Variants in LHPP observed in about 807,000 individuals in gnomAD.
The protein encoded by LHPP is hLHPP.
Under a neutral mutation model 30.3 loss-of-function variants are expected in LHPP, and 24 were observed. The observed-to-expected ratio is 0.79, with a 90% confidence interval of 0.57 to 1.11. The LOEUF is 1.11. Among genes scored for constraint, LHPP ranks in the 50% most tolerant of loss-of-function variants. LHPP has a pLI of 0.00. For synonymous variants in LHPP, 150 were observed against 157.1 expected (o/e 0.95, Z 0.34); for missense variants, 356 against 367.2 (o/e 0.97, Z 0.25).
At chr10:124,464,248 C>T (rs1952494354) in intron 1 of LHPP, among the ~76,000 whole-genome samples, 1 of 152,206 alleles carries the variant, frequency 6.6e-6, no homozygotes, top group Non-Finnish European at 1.5e-5. Flanking sequence ...AGGACTTGGC[C>T]TCCCGGAGTC....
intron 6 of LHPP, among the ~76,000 whole-genome samples, chr10:124,571,118 G>A (rs367613586): frequency 2.0e-5 from 3 of 152,328 alleles, no homozygotes; most frequent in South Asian, 2.1e-4. Context: ...CTGCCGTGAC[G>A]GTGAGGCCTC....
At chr10:124,558,480 G>T in intron 6 of LHPP, among the ~76,000 whole-genome samples, 1 of 152,346 alleles carries the variant, frequency 6.6e-6, no homozygotes, top group South Asian at 2.1e-4. Context: ...CTCTGTCCCC[G>T]CTTGGCGTTG....
At chr10:124,537,254 C>T (rs7903331) in intron 6 of LHPP, among the ~76,000 whole-genome samples, 26,645 of 152,230 alleles carry the variant, frequency 0.18, 2,492 homozygotes, top group East Asian at 0.3. Flanking sequence ...CCAGCTACCT[C>T]GAGAGATCCT....
chr10:124,464,960 G>C (rs576025270), intron 1 of LHPP, among the ~76,000 whole-genome samples: 2 of 152,204 alleles, frequency 1.3e-5, no homozygotes, highest in Non-Finnish European at 2.9e-5. Context: ...ATTAGGGTCT[G>C]ATGTGTGGAG....
intron 6 of LHPP, among the ~76,000 whole-genome samples, chr10:124,537,618 G>A (rs1459889650): frequency 6.6e-6 from 1 of 152,226 alleles, no homozygotes; most frequent in Non-Finnish European, 1.5e-5. Context: ...AGAGATGGCA[G>A]CCAGGCAGTC....
At chr10:124,552,660 G>A (rs763511653) in intron 6 of LHPP, among the ~76,000 whole-genome samples, 2 of 152,204 alleles carry the variant, frequency 1.3e-5, no homozygotes, top group South Asian at 2.1e-4. Flanking sequence ...TTTCTAAATC[G>A]GGTCTAGATG....
chr10:124,530,549 C>A (rs11245265), intron 6 of LHPP, among the ~76,000 whole-genome samples: 2 of 15,734 alleles, frequency 1.3e-4, no homozygotes, highest in East Asian at 2.6e-3. Context: ...CACACACACA[C>A]ATATACATAC....
intron 5 of LHPP, among the ~76,000 whole-genome samples, chr10:124,506,252 A>G (rs1183963780): frequency 6.9e-6 from 1 of 145,804 alleles, no homozygotes; most frequent in African/African-American, 2.5e-5. Context: ...TTGTCTCAAA[A>G]AAAACAACAA....
At chr10:124,468,002 G>T (rs74160912) in intron 1 of LHPP, among the ~76,000 whole-genome samples, 4,021 of 152,210 alleles carry the variant, frequency 0.026, 181 homozygotes, top group South Asian at 0.14. Context: ...GAGCCACCAT[G>T]CCCAGCCCCC....
chr10:124,566,553 A>G (rs1305370520), intron 6 of LHPP, among the ~76,000 whole-genome samples: 2 of 152,176 alleles, frequency 1.3e-5, no homozygotes, highest in African/African-American at 2.4e-5. Flanking sequence ...CTGTAGCTTG[A>G]AATTGGCCAC....
At chr10:124,498,741 C>T (rs1400989825) in intron 5 of LHPP, 2 of 464,836 alleles carry the variant, frequency 4.3e-6, no homozygotes, top group East Asian at 1.3e-4. Context: ...ACAGTCATGG[C>T]TCACTGCAGC....
intron 1 of LHPP, among the ~76,000 whole-genome samples, chr10:124,477,414 T>A (rs12778799): frequency 6.6e-6 from 1 of 152,032 alleles, no homozygotes; most frequent in Non-Finnish European, 1.5e-5. Context: ...ATGTCTGCAA[T>A]GTGGCCCCAG....
At chr10:124,560,205 T>C (rs1948372367) in intron 6 of LHPP, among the ~76,000 whole-genome samples, 1 of 152,250 alleles carries the variant, frequency 6.6e-6, no homozygotes, top group South Asian at 2.1e-4. Context: ...TTTAATTTTA[T>C]AAATGTAATA....
intron 6 of LHPP, among the ~76,000 whole-genome samples, chr10:124,598,061 C>A (rs1024529354): frequency 4.6e-5 from 7 of 152,310 alleles, no homozygotes; most frequent in Admixed American, 4.6e-4. Context: ...GACGTCCAGG[C>A]CTCCCAGCCC....
At chr10:124,589,809 C>G (rs970169013) in intron 6 of LHPP, among the ~76,000 whole-genome samples, 1 of 152,224 alleles carries the variant, frequency 6.6e-6, no homozygotes, top group Admixed American at 6.5e-5. Context: ...GTGCCGCAGC[C>G]CCTCTGGTTG....
rs372864886 is a variant in LHPP, at chr10:124,555,440, G to A, written c.716+38169G>A. On this transcript the variant is annotated intron_variant, in intron 6 of 6. Coordinates refer to ENST00000368842, the MANE Select transcript of LHPP (RefSeq NM_022126.4). ...GGCCCTCCCCACTTGTCCAAAGCCC[G>A]GCTGGGTCCTGGTGTGTCAGCGCTT... is the stretch of plus-strand genomic sequence containing the variant. Among the ~76,000 whole-genome samples, 366 of 152,174 alleles carry A rather than the reference G, an allele frequency of 2.4e-3. 2 individuals are homozygous for A. The highest frequency in any genetic ancestry group is 0.012 in the South Asian group (57 of 4,830).
rs574943554 is a variant in LHPP at position 124,478,637 on chromosome 10, T to C, written c.126-5502T>C. 1.3e-5 allele frequency among the ~76,000 whole-genome samples: 2 copies of C among 152,336 alleles called. No homozygotes were observed. The highest frequency in any genetic ancestry group is 1.9e-4 in the East Asian group (1 of 5,180). ...GGCAGATGCCAACAGCCAGCAGATG[T>C]GGAGAGTCCGAGGTGATTTGTAAGG... On this transcript the variant is annotated intron_variant, in intron 1 of 6. Coordinates refer to ENST00000368842, the MANE Select transcript of LHPP (RefSeq NM_022126.4). The surrounding 1 kb of genome is among the most constrained non-coding windows in gnomAD (Gnocchi z 4.7).
chr10:124,598,752 CCT>C (rs1200698252), intron 6 of LHPP, among the ~76,000 whole-genome samples: 4 of 151,112 alleles, frequency 2.6e-5, no homozygotes, highest in African/African-American at 7.3e-5. Flanking sequence ...CATCCATCCC[CCT>C]GTCCATCCCT....
chr10:124,531,648 C>T (rs1027991145), intron 6 of LHPP, among the ~76,000 whole-genome samples: 3 of 152,232 alleles, frequency 2.0e-5, no homozygotes, highest in East Asian at 1.9e-4. Context: ...ACCCAAGTTA[C>T]GCGTTTGGGG....
Sources: allele counts gnomAD v4.1 joint callset (sites outside exome capture counted in the v4.1 genomes callset), GRCh38; gene constraint gnomAD v4.1.1; non-coding constraint Gnocchi (gnomAD v3.1); transcripts MANE v1.5; gene names NCBI Gene and HGNC (gene_info 2026-07-23, HGNC 2026-07-21).